Variants in HOMER1 observed in about 807,000 individuals in gnomAD.
HOMER1 encodes the protein homer protein homolog 1.
A neutral mutation model predicts 48.9 loss-of-function variants in HOMER1; 3 were observed. That is an observed-to-expected ratio of 0.06 (90% CI 0.03 to 0.16). HOMER1 has a LOEUF of 0.16. Among genes scored for constraint, HOMER1 ranks in the 10% least tolerant of loss-of-function variants. The pLI is 1.00. For synonymous variants in HOMER1, 134 were observed against 146.4 expected (o/e 0.92, Z 0.61); for missense variants, 247 against 411.4 (o/e 0.60, Z 3.46).
chr5:79,442,704 TACTTA>T (rs1195148271), intron 4 of HOMER1, among the ~76,000 whole-genome samples: 1 of 152,222 alleles, frequency 6.6e-6, no homozygotes, highest in African/African-American at 2.4e-5. Flanking sequence ...TCCAGTTTTA[TACTTA>T]AACAAAGATG....
At chr5:79,465,224 A>G (rs1250908774) in intron 1 of HOMER1, among the ~76,000 whole-genome samples, 1 of 152,046 alleles carries the variant, frequency 6.6e-6, no homozygotes. Flanking sequence ...AGTCTCAGCT[A>G]CTCAAGAGGA....
At chr5:79,382,855 G>A (rs1354591697) in intron 8 of HOMER1, among the ~76,000 whole-genome samples, 1 of 152,140 alleles carries the variant, frequency 6.6e-6, no homozygotes. Context: ...AAAGCAATTA[G>A]CAATGTGACA....
intron 1 of HOMER1, among the ~76,000 whole-genome samples, chr5:79,497,059 CAAAAAAAAAAA>C (rs5868996): frequency 7.6e-5 from 4 of 52,782 alleles, no homozygotes; most frequent in African/African-American, 1.6e-4. Context: ...GACTTTGTCT[CAAAAAAAAAAA>C]AAAAAAAAAA....
intron 1 of HOMER1, among the ~76,000 whole-genome samples, chr5:79,461,997 G>A (rs1028286862): frequency 1.3e-5 from 2 of 152,262 alleles, no homozygotes; most frequent in African/African-American, 4.8e-5. Context: ...TCAGGAGTTT[G>A]AGACCAGCCT....
chr5:79,419,056 T>G (rs149276649), intron 5 of HOMER1, among the ~76,000 whole-genome samples: 1 of 152,260 alleles, frequency 6.6e-6, no homozygotes, highest in African/African-American at 2.4e-5. Flanking sequence ...GCAAAACATA[T>G]TTCAAAATGC....
chr5:79,456,370 A>T (rs563337132), intron 2 of HOMER1, among the ~76,000 whole-genome samples: 24 of 152,260 alleles, frequency 1.6e-4, no homozygotes, highest in Admixed American at 2.6e-4. Flanking sequence ...CTCCTGTTAC[A>T]CTAATTGCCT....
chr5:79,388,141 A>G (rs543712809), intron 8 of HOMER1, among the ~76,000 whole-genome samples: 1 of 152,342 alleles, frequency 6.6e-6, no homozygotes, highest in East Asian at 1.9e-4. Flanking sequence ...AAACCAGAGC[A>G]GACTATAAGA....
At chr5:79,500,521 A>G (rs1206028621) in intron 1 of HOMER1, among the ~76,000 whole-genome samples, 1 of 152,186 alleles carries the variant, frequency 6.6e-6, no homozygotes. Flanking sequence ...CTGTCACCAC[A>G]GACGGCAAAA....
intron 5 of HOMER1, among the ~76,000 whole-genome samples, chr5:79,429,182 C>A (rs1750352419): frequency 6.6e-6 from 1 of 152,176 alleles, no homozygotes; most frequent in Non-Finnish European, 1.5e-5. Context: ...ATGGTGAAAT[C>A]CCGTCTCTAC....
At chr5:79,461,075 C>T (rs1751305637) in intron 1 of HOMER1, among the ~76,000 whole-genome samples, 1 of 152,122 alleles carries the variant, frequency 6.6e-6, no homozygotes, top group South Asian at 2.1e-4. Context: ...CAGAGAAAAC[C>T]AGGCTGGCAT....
chr5:79,419,698 A>G (rs1457879731), intron 5 of HOMER1, among the ~76,000 whole-genome samples: 1 of 152,246 alleles, frequency 6.6e-6, no homozygotes, highest in Non-Finnish European at 1.5e-5. Flanking sequence ...AAGCTAAAAA[A>G]TGTTAATCTT....
At chr5:79,398,795 C>T (rs890777018) in intron 6 of HOMER1, among the ~76,000 whole-genome samples, 3 of 152,280 alleles carry the variant, frequency 2.0e-5, no homozygotes, top group Admixed American at 2.0e-4. Flanking sequence ...CAACTAAAAG[C>T]AGGCAAATCT....
At chr5:79,402,705 C>T (rs1364332630) in intron 5 of HOMER1, among the ~76,000 whole-genome samples, 1 of 152,030 alleles carries the variant, frequency 6.6e-6, no homozygotes, top group Non-Finnish European at 1.5e-5. Flanking sequence ...ATTAAAAAAA[C>T]CTAACAATGT....
At chr5:79,466,934 G>C (rs935499660) in intron 1 of HOMER1, among the ~76,000 whole-genome samples, 37 of 152,008 alleles carry the variant, frequency 2.4e-4, no homozygotes, top group African/African-American at 8.0e-4. Context: ...TAGGATTACA[G>C]GTGTGCACCA....
intron 8 of HOMER1, among the ~76,000 whole-genome samples, chr5:79,393,322 C>G (rs6453444): frequency 0.47 from 71,541 of 151,918 alleles, 19,836 homozygotes; most frequent in African/African-American, 0.77. Context: ...GTAGCATAGT[C>G]CTTAAATTGG....
chr5:79,487,518 A>C (rs1308643946), intron 1 of HOMER1, among the ~76,000 whole-genome samples: 1 of 152,164 alleles, frequency 6.6e-6, no homozygotes, highest in African/African-American at 2.4e-5. Context: ...GTTCACCACA[A>C]ACAGAACAGA....
At chr5:79,447,634 T>G (rs970140374) in intron 3 of HOMER1, among the ~76,000 whole-genome samples, 1 of 152,212 alleles carries the variant, frequency 6.6e-6, no homozygotes, top group Non-Finnish European at 1.5e-5. Flanking sequence ...TAATATTTAC[T>G]ATTTTCACTA....
rs568777927 is a variant in HOMER1, at chr5:79,469,088, G to A, written c.6-12070C>T. ...TTCTAACCACATAAAGGTAAATTAT[G>A]GTCCTTTGGTATAAAATTTAGGTTC... On this transcript the variant is annotated intron_variant, in intron 1 of 8. Coordinates refer to ENST00000334082, the MANE Select transcript of HOMER1 (RefSeq NM_004272.5). 3.3e-5 allele frequency among the ~76,000 whole-genome samples: 5 copies of A among 152,154 alleles called. No individual in the cohort carries two copies. The South Asian group carries it at 1.0e-3, about 32-fold the overall frequency.
chr5:79,381,462 C>T (rs1375748144), intron 8 of HOMER1, among the ~76,000 whole-genome samples: 2 of 152,142 alleles, frequency 1.3e-5, no homozygotes, highest in Non-Finnish European at 1.5e-5. Flanking sequence ...TGAAATGTAA[C>T]ACCTTCCAAG....
Sources: allele counts gnomAD v4.1 joint callset (sites outside exome capture counted in the v4.1 genomes callset), GRCh38; gene constraint gnomAD v4.1.1; transcripts MANE v1.5; gene names NCBI Gene and HGNC (gene_info 2026-07-23, HGNC 2026-07-21).